Variants in CPA4 observed in about 807,000 individuals in gnomAD.
The protein encoded by CPA4 is carboxypeptidase A3.
Under a neutral mutation model 54.7 loss-of-function variants are expected in CPA4, and 49 were observed. The observed-to-expected ratio is 0.90, with a 90% CI of 0.71 to 1.14. The LOEUF (loss-of-function observed/expected upper bound fraction) is 1.14. CPA4 is among the 50% of genes most tolerant of loss of function. CPA4 has a pLI of 0.00. For synonymous variants in CPA4, 215 were observed against 206.8 expected, an observed-to-expected ratio of 1.04 and a Z score of -0.34; for missense variants, 487 against 525.1, an observed-to-expected ratio of 0.93 and a Z score of 0.71.
chr7:130,322,581 T>G lies in CPA4; in HGVS notation c.1171T>G (p.Phe391Val). 1 of 1,614,180 alleles carries G rather than the reference T, an allele frequency of 6.2e-7. No homozygotes were observed. The highest frequency in any genetic ancestry group is 8.5e-7 in the Non-Finnish European group (1 of 1,180,006). The change falls in exon 11 of 11, where the codon TTC becomes GTC. Residue 391 changes from phenylalanine (F) to valine (V), a missense_variant. Physicochemically the swap from Phe to Val is conservative, Grantham distance 50. Coordinates refer to ENST00000222482, the MANE Select transcript of CPA4 (RefSeq NM_016352.4). Reference protein sequence around the residue: ...FELRDTGTYGFLLPANQIIPT... With the variant: ...FELRDTGTYGVLLPANQIIPT... The stretch of plus-strand genomic sequence containing the variant: ...GTTGAGAGATACCGGGACCTATGGC[T>G]TCCTCCTGCCAGCTAACCAGATCAT...
intron 1 of CPA4, among the ~76,000 whole-genome samples, chr7:130,295,772 G>A (rs1287667561): frequency 2.0e-5 from 3 of 152,142 alleles, no homozygotes; most frequent in African/African-American, 7.2e-5. Context: ...CTGAGGTCGG[G>A]AGTTCGAGAC....
chr7:130,308,410 G>T lies in CPA4; in HGVS notation c.793+13G>T. Reference sequence around the variant, plus strand: ...GCTAGTTTTGCAGGTAGGCGGTGGGGAGACAGTTCTCAAATCCTGCTGTCC... The same window carrying T: ...GCTAGTTTTGCAGGTAGGCGGTGGGTAGACAGTTCTCAAATCCTGCTGTCC... On this transcript the variant is annotated intron_variant, in intron 8 of 10. Transcript: ENST00000222482. The T allele has an allele frequency of 1.2e-6, 2 of 1,608,418 alleles. No individual in the cohort carries two copies. The highest frequency in any genetic ancestry group is 1.7e-6 in the Non-Finnish European group (2 of 1,174,808).
chr7:130,308,204 A>C, intron 7 of CPA4, 103 bp from the exon 8 acceptor site: 1 of 949,522 alleles, frequency 1.1e-6, no homozygotes, highest in African/African-American at 1.6e-5. Flanking sequence ...TCCTGGCAGA[A>C]CTGCAAGCAG....
intron 5 of CPA4, among the ~76,000 whole-genome samples, chr7:130,305,017 G>C (rs1327660958): frequency 2.0e-5 from 3 of 152,166 alleles, no homozygotes; most frequent in African/African-American, 7.2e-5. Flanking sequence ...GTTGCACAAA[G>C]CCTAATTTCC....
At position 130,298,797 on chromosome 7, in the gene CPA4, G is replaced by A; in HGVS notation, c.120G>A (p.Leu40=). 3 of 1,611,600 alleles carry A rather than the reference G, an allele frequency of 1.9e-6. No individual in the cohort carries two copies. Among genetic ancestry groups the A allele is most frequent in the Non-Finnish European group, 2.5e-6 (3 of 1,177,678 alleles). Reference sequence around the variant, plus strand: ...GAAATGGAGACGAGATCAGCAAATTGAGTCAACTAGTGAATTCAAACAACT... The same window carrying A: ...GAAATGGAGACGAGATCAGCAAATTAAGTCAACTAGTGAATTCAAACAACT... ...NVRNGDEISK[L]SQLVNSNNLK... Residue 40 remains leucine, a synonymous_variant, in exon 2 of 11, where the codon TTG becomes TTA. Coordinates refer to ENST00000222482, the MANE Select transcript of CPA4 (RefSeq NM_016352.4).
chr7:130,308,990 T>C (rs1793872099), intron 8 of CPA4, among the ~76,000 whole-genome samples: 2 of 151,752 alleles, frequency 1.3e-5, no homozygotes, highest in South Asian at 4.1e-4. Context: ...GGATGACAGG[T>C]GCATGCCACC....
At chr7:130,308,795 C>T (rs1793867743) in intron 8 of CPA4, among the ~76,000 whole-genome samples, 2 of 151,136 alleles carry the variant, frequency 1.3e-5, no homozygotes, top group Admixed American at 1.3e-4. Context: ...TCATGATCCA[C>T]CTGCTTCAGC....
At chr7:130,314,735 C>T (rs903072901) in intron 10 of CPA4, among the ~76,000 whole-genome samples, 2 of 152,110 alleles carry the variant, frequency 1.3e-5, no homozygotes, top group South Asian at 4.1e-4. Context: ...GAAAGTTCCT[C>T]GAAGCCGTAG....
chr7:130,302,227 C>G (rs1006681671), intron 4 of CPA4, among the ~76,000 whole-genome samples: 4 of 152,128 alleles, frequency 2.6e-5, no homozygotes, highest in African/African-American at 7.2e-5. Flanking sequence ...TGGCTCACAC[C>G]TGTAATCCCA....
In CPA4 at chr7:130,306,756, G is replaced by A. The variant is rs776566725; in HGVS notation, c.592-31G>A. The A allele has an allele frequency of 3.0e-6, 4 of 1,314,342 alleles. No homozygotes were observed. The South Asian group carries it at 3.5e-5, about 12-fold the overall frequency. The allele number at this position is 1,314,342 out of a possible 1,614,324, so 81.4% of individuals were successfully genotyped here. A position where few individuals can be genotyped will look rare whatever the true frequency, so the allele number is the denominator to read the frequency against. On this transcript the variant is annotated intron_variant, in intron 6 of 10. Transcript: ENST00000222482. ...GCCCTAATGGCCCATCCTGCCATGG[G>A]ATAGCTGACAAGCATATTGTCTCTG...
In CPA4 at chr7:130,298,753, G is replaced by C. The variant is rs1377189257; in HGVS notation, c.76G>C (p.Val26Leu). The change falls in exon 2 of 11, where the codon GTT becomes CTT. Residue 26 changes from valine to leucine, a missense_variant. Val to Leu is a conservative substitution (Grantham distance 32, BLOSUM62 1). Transcript: ENST00000222482. ...CGQEKFFGDQ[V>L]LRINVRNGDE... is the part of the protein sequence containing the mutation. ...TTTTCGCTTCTTCCCCAGGGACCAA[G>C]TTTTGAGGATTAATGTCAGAAATGG... 1.2e-6 allele frequency: 2 copies of C among 1,608,020 alleles called. No homozygotes were observed. The highest frequency in any genetic ancestry group is 1.3e-5 in the African/African-American group (1 of 74,870).
chr7:130,321,325 C>T (rs989296614), intron 10 of CPA4, among the ~76,000 whole-genome samples: 3 of 152,104 alleles, frequency 2.0e-5, no homozygotes, highest in Non-Finnish European at 4.4e-5. Context: ...AGGTAAGTCC[C>T]AAGGGCTGTG....
At chr7:130,319,624 T>C (rs1203906058) in intron 10 of CPA4, among the ~76,000 whole-genome samples, 3 of 152,154 alleles carry the variant, frequency 2.0e-5, no homozygotes, top group African/African-American at 7.2e-5. Context: ...CCCTTTTTCA[T>C]ACAGGAGGGA....
chr7:130,317,543 G>T (rs186577342), intron 10 of CPA4, among the ~76,000 whole-genome samples: 32 of 152,282 alleles, frequency 2.1e-4, no homozygotes, highest in Non-Finnish European at 1.6e-4. Flanking sequence ...GCTCACTGCA[G>T]CCTCGACTTC....
intron 1 of CPA4, among the ~76,000 whole-genome samples, chr7:130,296,781 G>A (rs1793656844): frequency 7.3e-6 from 1 of 137,548 alleles, no homozygotes; most frequent in Admixed American, 8.7e-5. Flanking sequence ...TTGAACTCCT[G>A]GGCTCAAGCA....
chr7:130,316,655 A>T (rs1043373538), intron 10 of CPA4, among the ~76,000 whole-genome samples: 2 of 152,064 alleles, frequency 1.3e-5, no homozygotes, highest in Non-Finnish European at 2.9e-5. Flanking sequence ...ATTGGTGTTG[A>T]GGCTGGGCGC....
chr7:130,306,563 G>T (rs1793824042), intron 6 of CPA4, among the ~76,000 whole-genome samples: 1 of 152,122 alleles, frequency 6.6e-6, no homozygotes, highest in African/African-American at 2.4e-5. Context: ...GATGCCATTA[G>T]CAGCCATGTC....
intron 4 of CPA4, among the ~76,000 whole-genome samples, chr7:130,303,920 G>A (rs965561847): frequency 6.6e-6 from 1 of 151,964 alleles, no homozygotes; most frequent in African/African-American, 2.4e-5. Flanking sequence ...GGGATTATAG[G>A]CATGAGCCAC....
chr7:130,315,602 G>A (rs1006381474), intron 10 of CPA4, among the ~76,000 whole-genome samples: 1 of 152,104 alleles, frequency 6.6e-6, no homozygotes, highest in African/African-American at 2.4e-5. Flanking sequence ...ACCTGGGGAT[G>A]ATTTATGTTA....
Sources: allele counts gnomAD v4.1 joint callset (sites outside exome capture counted in the v4.1 genomes callset), GRCh38; gene constraint gnomAD v4.1.1; transcripts MANE v1.5; gene names NCBI Gene and HGNC (gene_info 2026-07-23, HGNC 2026-07-21).